ATP8A2: variants seen among roughly 807,000 people sequenced by gnomAD.
ATP8A2 encodes the protein phospholipid-transporting ATPase IB.
Under a neutral mutation model 165.6 loss-of-function variants are expected in ATP8A2, and 100 were observed. The observed-to-expected ratio is 0.60, with a 90% CI of 0.51 to 0.71. The LOEUF is 0.71. Among genes scored for constraint, ATP8A2 ranks in the 30% least tolerant of loss-of-function variants. The pLI, the probability that ATP8A2 is intolerant of heterozygous loss-of-function variation, is 0.00. For missense variants in ATP8A2, 1,227 were observed against 1,479.5 expected (o/e 0.83, Z 2.80); for synonymous variants, 543 against 548.8 (o/e 0.99, Z 0.15).
At chr13:25,601,485 T>C (rs1426289108) in intron 24 of ATP8A2, among the ~76,000 whole-genome samples, 2 of 152,252 alleles carry the variant, frequency 1.3e-5, no homozygotes, top group East Asian at 3.8e-4. Flanking sequence ...TTGTTTGTGT[T>C]GTTTTTTGAG....
At chr13:25,774,804 C>T (rs964568321) in intron 26 of ATP8A2, 45 bp from the exon 27 acceptor site, 1 of 1,127,746 alleles carries the variant, frequency 8.9e-7, no homozygotes, top group Non-Finnish European at 1.3e-6. Flanking sequence ...GACTTTTATT[C>T]CTCAATGATG....
At chr13:25,770,955 G>T (rs1417976756) in intron 26 of ATP8A2, among the ~76,000 whole-genome samples, 1 of 152,174 alleles carries the variant, frequency 6.6e-6, no homozygotes, top group Non-Finnish European at 1.5e-5. Context: ...AGGGCTTCAG[G>T]CCAGTCCTTT....
chr13:25,751,978 A>G (rs1043212276), intron 25 of ATP8A2, among the ~76,000 whole-genome samples: 1 of 151,152 alleles, frequency 6.6e-6, no homozygotes, highest in Non-Finnish European at 1.5e-5. Context: ...TCTTCATTCA[A>G]CAATAGGTAG....
chr13:25,726,837 AGCAAGAGT>A (rs1352447516), intron 25 of ATP8A2, among the ~76,000 whole-genome samples: 1 of 152,210 alleles, frequency 6.6e-6, no homozygotes, highest in African/African-American at 2.4e-5. Context: ...TCCTTTTCAT[AGCAAGAGT>A]GCTAGATTTT....
rs181567693 is a variant in ATP8A2, at chr13:25,436,688, T to C, written c.77-32289T>C. Among the ~76,000 whole-genome samples, 200 of 152,334 alleles carry C rather than the reference T, an allele frequency of 1.3e-3. 3 individuals are homozygous for C. Among genetic ancestry groups the C allele is most frequent in the African/African-American group, 4.5e-3 (188 of 41,576 alleles). On this transcript the variant is annotated intron_variant, in intron 1 of 36. Coordinates refer to ENST00000381655, the MANE Select transcript of ATP8A2 (RefSeq NM_016529.6). ...GCTCTTTGAGAAATCTCCAAACTGCTTTCCATAGTGGCTGAACTAATTTAC... is the reference window on the plus strand; with the variant it reads ...GCTCTTTGAGAAATCTCCAAACTGCCTTCCATAGTGGCTGAACTAATTTAC...
chr13:25,891,376 G>A (rs1443220598), intron 33 of ATP8A2, among the ~76,000 whole-genome samples: 4 of 152,182 alleles, frequency 2.6e-5, no homozygotes, highest in Non-Finnish European at 5.9e-5. Context: ...AGGCTGGAGT[G>A]CAATGGTGCG....
chr13:25,640,625 C>CA (rs1183226802), intron 24 of ATP8A2, among the ~76,000 whole-genome samples: 1 of 151,948 alleles, frequency 6.6e-6, no homozygotes, highest in Non-Finnish European at 1.5e-5. Flanking sequence ...GCCTACTAAC[C>CA]AAAAAAAGTC....
intron 1 of ATP8A2, among the ~76,000 whole-genome samples, chr13:25,438,789 T>C (rs1181085084): frequency 6.6e-6 from 1 of 152,234 alleles, no homozygotes; most frequent in East Asian, 1.9e-4. Flanking sequence ...ATGTTACTTG[T>C]TTTATTTCAT....
intron 1 of ATP8A2, among the ~76,000 whole-genome samples, chr13:25,393,321 G>A (rs551004862): frequency 6.6e-6 from 1 of 152,046 alleles, no homozygotes; most frequent in Admixed American, 6.6e-5. Context: ...TTGTAGTGAT[G>A]GGATCTCACT....
chr13:25,603,489 AT>A (rs1475376436), intron 24 of ATP8A2, among the ~76,000 whole-genome samples: 45 of 125,916 alleles, frequency 3.6e-4, no homozygotes, highest in Admixed American at 1.8e-3. Context: ...AAAAAAAAAA[AT>A]TTTAAAAAGA....
At chr13:25,606,061 G>A (rs1010188001) in intron 24 of ATP8A2, among the ~76,000 whole-genome samples, 2 of 152,102 alleles carry the variant, frequency 1.3e-5, no homozygotes, top group African/African-American at 4.8e-5. Context: ...AGTTCTGCAC[G>A]GGTAATATAA....
At chr13:25,516,675 A>T (rs2037481648) in intron 2 of ATP8A2, among the ~76,000 whole-genome samples, 1 of 151,996 alleles carries the variant, frequency 6.6e-6, no homozygotes, top group African/African-American at 2.4e-5. Flanking sequence ...CTCATTAAAA[A>T]TGATCCTTCT....
At position 25,683,198 on chromosome 13, in the gene ATP8A2, G is replaced by A. The variant is rs542802597; in HGVS notation, c.2212-15975G>A. Among the ~76,000 whole-genome samples the A allele has an allele frequency of 1.9e-4, 29 of 152,266 alleles. No homozygotes were observed. In the South Asian group the frequency reaches 3.3e-3, roughly 17 times the overall value. ...ACCAGGAAACAACTTGGAAGGAGGG[G>A]CCTCACGTTAGCACATTGCCCTTAG... On this transcript the variant is annotated intron_variant, in intron 24 of 36. Transcript: ENST00000381655.
In ATP8A2 at chr13:25,504,534, A is replaced by T. The variant is rs537485233; in HGVS notation, c.222-25465A>T. Among the ~76,000 whole-genome samples, 7 of 145,468 alleles carry T rather than the reference A, an allele frequency of 4.8e-5. No individual in the cohort carries two copies. The South Asian group carries it at 1.5e-3, about 32-fold the overall frequency. On this transcript the variant is annotated intron_variant, in intron 2 of 36. Transcript: ENST00000381655. ...GGCGGGTGGATCATGAGGTCAGGAG[A>T]TCGAGACCATCCTGGCTAACAAGGT...
chr13:25,737,380 C>A (rs2043794922), intron 25 of ATP8A2, among the ~76,000 whole-genome samples: 1 of 152,206 alleles, frequency 6.6e-6, no homozygotes, highest in Non-Finnish European at 1.5e-5. Flanking sequence ...GTTAAGCAAA[C>A]CCTGTCTGGT....
intron 33 of ATP8A2, among the ~76,000 whole-genome samples, chr13:25,925,491 C>T (rs547664140): frequency 2.2e-4 from 10 of 45,696 alleles, no homozygotes; most frequent in East Asian, 3.7e-3. Context: ...GTTGAGATCG[C>T]GCCACTTACA....
Position 25,563,957 on chromosome 13 carries a change from C to T in ATP8A2, c.1399C>T (p.Arg467Trp), listed in dbSNP as rs375681956. ...AATTTTCTCTGTTCTCTCTTACAGT[C>T]GGATGCCTCCTCCCTGTAGTGATTC... ...AREPSSDDFCRMPPPCSDSCD... is the reference protein window; with the variant it reads ...AREPSSDDFCWMPPPCSDSCD... The change falls in exon 16 of 37, where the codon CGG (arginine) becomes TGG (tryptophan). Residue 467 changes from arginine to tryptophan, a missense_variant and splice_region_variant. Transcript: ENST00000381655. 18 of 1,608,332 alleles carry T rather than the reference C, an allele frequency of 1.1e-5. No homozygotes were observed. Among genetic ancestry groups the T allele is most frequent in the East Asian group, 4.5e-5 (2 of 44,842 alleles).
intron 29 of ATP8A2, 86 bp from the exon 30 acceptor site, chr13:25,839,460 C>T: frequency 1.1e-6 from 1 of 905,802 alleles, no homozygotes; most frequent in East Asian, 2.4e-5. Context: ...CGGCCAGGAT[C>T]CTTCACAATG....
chr13:25,584,024 A>G (rs2039850422), intron 23 of ATP8A2, among the ~76,000 whole-genome samples: 1 of 152,186 alleles, frequency 6.6e-6, no homozygotes, highest in Admixed American at 6.5e-5. Context: ...TATCTAGTGT[A>G]TCAGTCAGAT....
Sources: gnomAD v4.1 joint callset for allele counts (sites outside exome capture counted in the v4.1 genomes callset) on GRCh38, gnomAD v4.1.1 for gene constraint, MANE v1.5 for transcripts, NCBI Gene and HGNC (gene_info 2026-07-23, HGNC 2026-07-21) for gene names.